Variants in RBFOX1 observed in about 807,000 individuals in gnomAD.
RBFOX1 encodes the protein RNA binding fox-1 homolog 1.
Under a neutral mutation model 57.7 loss-of-function variants are expected in RBFOX1, and 8 were observed. The observed-to-expected ratio is 0.14, with a 90% confidence interval of 0.08 to 0.25. RBFOX1 has a LOEUF of 0.25. Among genes scored for constraint, RBFOX1 ranks in the 10% least tolerant of loss-of-function variants. RBFOX1 has a pLI of 1.00. For missense variants in RBFOX1, 611 were observed against 548.5 expected, an observed-to-expected ratio of 1.11 and a Z score of -1.14; for synonymous variants, 326 against 222.4, an observed-to-expected ratio of 1.47 and a Z score of -4.15.
intron 2 of RBFOX1, among the ~76,000 whole-genome samples, chr16:5,531,453 T>G (rs1167072743): frequency 6.6e-6 from 1 of 152,232 alleles, no homozygotes; most frequent in Non-Finnish European, 1.5e-5. Flanking sequence ...TAGAACTAGC[T>G]TCTTTCTTTA....
intron 3 of RBFOX1, among the ~76,000 whole-genome samples, chr16:6,884,759 G>A (rs1292968418): frequency 3.3e-5 from 5 of 152,056 alleles, no homozygotes; most frequent in Non-Finnish European, 7.4e-5. Flanking sequence ...TTAGCTAGGT[G>A]TGATGGCACA....
intron 1 of RBFOX1, among the ~76,000 whole-genome samples, chr16:6,184,268 C>G (rs1437245833): frequency 6.6e-6 from 1 of 152,088 alleles, no homozygotes. Flanking sequence ...CAAACCATAT[C>G]AGAGGATGTT....
intron 2 of RBFOX1, among the ~76,000 whole-genome samples, chr16:6,533,422 A>T (rs1242493084): frequency 6.6e-6 from 1 of 152,140 alleles, no homozygotes; most frequent in Non-Finnish European, 1.5e-5. Flanking sequence ...CAGCACTGTG[A>T]TCACTGCCAC....
intron 4 of RBFOX1, among the ~76,000 whole-genome samples, chr16:7,267,014 A>G (rs548357543): frequency 6.6e-6 from 1 of 152,280 alleles, no homozygotes; most frequent in African/African-American, 2.4e-5. Context: ...ACAAGGTTCA[A>G]AAGGGTGAGC....
chr16:7,659,286 C>G (rs1272211426), intron 12 of RBFOX1, among the ~76,000 whole-genome samples: 1 of 152,192 alleles, frequency 6.6e-6, no homozygotes, highest in Non-Finnish European at 1.5e-5. Flanking sequence ...GAAATGTTTT[C>G]ACGTTAAGTC....
At chr16:6,170,251 G>A (rs114218104) in intron 1 of RBFOX1, among the ~76,000 whole-genome samples, 3 of 152,174 alleles carry the variant, frequency 2.0e-5, no homozygotes, top group African/African-American at 7.2e-5. Context: ...TTCATGTCCA[G>A]TATTTGCCAT....
intron 4 of RBFOX1, among the ~76,000 whole-genome samples, chr16:5,874,665 C>G (rs1597593799): frequency 6.6e-6 from 1 of 152,128 alleles, no homozygotes; most frequent in Non-Finnish European, 1.5e-5. Context: ...AGGAGAGCAG[C>G]TGGGCGAGGT....
chr16:6,130,228 C>T (rs1473435936), intron 1 of RBFOX1, among the ~76,000 whole-genome samples: 2 of 152,132 alleles, frequency 1.3e-5, no homozygotes, highest in East Asian at 1.9e-4. Context: ...TAAGTATACA[C>T]ATGTAAGATT....
intron 2 of RBFOX1, among the ~76,000 whole-genome samples, chr16:6,444,012 G>A (rs1391944151): frequency 6.6e-6 from 1 of 152,166 alleles, no homozygotes; most frequent in African/African-American, 2.4e-5. Context: ...ATATATATGT[G>A]TATATGAACA....
chr16:6,073,587 C>T (rs1014868416), intron 1 of RBFOX1, among the ~76,000 whole-genome samples: 14 of 152,078 alleles, frequency 9.2e-5, no homozygotes, highest in Non-Finnish European at 1.3e-4. Context: ...AATACACTTC[C>T]GTTTTGGAAG....
chr16:5,710,515 A>G (rs1405670804), intron 3 of RBFOX1, among the ~76,000 whole-genome samples: 2 of 152,174 alleles, frequency 1.3e-5, no homozygotes, highest in South Asian at 2.1e-4. Context: ...CTGTATTATG[A>G]GGATGGCAGG....
rs75965259 is a variant in RBFOX1 at position 7,596,454 on chromosome 16, C to T, written c.561+813C>T. On this transcript the variant is annotated intron_variant, in intron 8 of 15. Coordinates refer to ENST00000550418, the MANE Select transcript of RBFOX1 (RefSeq NM_018723.4). ...CTTTCATTTTCCCCTTCGACGATAA[C>T]GCTTAGGCCCCTCACCAAACTCTCA... Among the ~76,000 whole-genome samples the T allele has an allele frequency of 3.2e-3, 490 of 152,018 alleles. 4 individuals carry two copies. The highest frequency in any genetic ancestry group is 0.011 in the African/African-American group (468 of 41,472).
At chr16:5,609,371 T>C (rs1009939427) in intron 3 of RBFOX1, among the ~76,000 whole-genome samples, 2 of 152,322 alleles carry the variant, frequency 1.3e-5, no homozygotes, top group Non-Finnish European at 2.9e-5. Flanking sequence ...TCTCTGTCGC[T>C]TGTCTGAGAC....
Position 6,472,231 on chromosome 16 carries a change from G to A in RBFOX1, c.-64+155174G>A, listed in dbSNP as rs540654447. Among the ~76,000 whole-genome samples, 17 of 152,342 alleles carry A rather than the reference G, an allele frequency of 1.1e-4. No individual in the cohort carries two copies. The South Asian group carries it at 1.9e-3, about 17-fold the overall frequency. On this transcript the variant is annotated intron_variant, in intron 2 of 15. Coordinates refer to ENST00000550418, the MANE Select transcript of RBFOX1 (RefSeq NM_018723.4). ...GACCCAGGTCCCTGGACAAGGGACC[G>A]ATGAAGGCCAGGCTGTGAGAGAAGC...
chr16:6,444,793 G>A (rs1171034283), intron 2 of RBFOX1, among the ~76,000 whole-genome samples: 2 of 152,156 alleles, frequency 1.3e-5, no homozygotes, highest in African/African-American at 4.8e-5. Context: ...AACCAAAACT[G>A]CTTTTGTTAG....
chr16:6,921,220 C>T (rs1026936484), intron 3 of RBFOX1, among the ~76,000 whole-genome samples: 1 of 152,184 alleles, frequency 6.6e-6, no homozygotes, highest in African/African-American at 2.4e-5. Context: ...TACCCACACA[C>T]ATTTAGCAAT....
intron 2 of RBFOX1, among the ~76,000 whole-genome samples, chr16:6,447,358 C>A (rs576075073): frequency 2.6e-5 from 4 of 152,110 alleles, no homozygotes; most frequent in Non-Finnish European, 5.9e-5. Context: ...CCCTCAAGAC[C>A]AACAATTACA....
chr16:6,474,653 C>A (rs1304244060), intron 2 of RBFOX1, among the ~76,000 whole-genome samples: 1 of 152,030 alleles, frequency 6.6e-6, no homozygotes, highest in South Asian at 2.1e-4. Context: ...GGCGAGGGAA[C>A]CCAGCCAGGG....
chr16:7,707,050 GACTGTCAGTTTC>G (rs992074365), intron 14 of RBFOX1, among the ~76,000 whole-genome samples: 2 of 152,218 alleles, frequency 1.3e-5, no homozygotes, highest in African/African-American at 2.4e-5. Flanking sequence ...AGAGGGAGAT[GACTGTCAGTTTC>G]ACTGACAGAT....
Sources: allele counts gnomAD v4.1 joint callset (sites outside exome capture counted in the v4.1 genomes callset), GRCh38; gene constraint gnomAD v4.1.1; transcripts MANE v1.5; gene names NCBI Gene and HGNC (gene_info 2026-07-23, HGNC 2026-07-21).